Variants in FNTB observed in about 807,000 individuals in gnomAD.
FNTB encodes protein farnesyltransferase subunit beta.
Under a neutral mutation model 59.4 loss-of-function variants are expected in FNTB, and 27 were observed. The observed-to-expected ratio is 0.45, with a 90% CI of 0.34 to 0.63. FNTB has a LOEUF of 0.63. Among genes scored for constraint, FNTB ranks in the 20% least tolerant of loss-of-function variants. The pLI is 0.02. For synonymous variants in FNTB, 230 were observed against 220.7 expected (o/e 1.04, Z -0.37); for missense variants, 449 against 559.6 (o/e 0.80, Z 1.99).
rs958029776 is a variant in FNTB, at chr14:65,007,201, T to G, written c.209+2888T>G. Among the ~76,000 whole-genome samples, 1 of 152,196 alleles carries G rather than the reference T, an allele frequency of 6.6e-6. No homozygotes were observed. The highest frequency in any genetic ancestry group is 2.4e-5 in the African/African-American group (1 of 41,444). ...AATAAGCGAGGATATAAGAATAAAT[T>G]AGAAAATTTATCAGAATTTTAAATC... On this transcript the variant is annotated intron_variant, in intron 2 of 11. Transcript: ENST00000246166. The surrounding 1 kb of genome is among the most constrained non-coding windows in gnomAD (Gnocchi z 4.9).
intron 1 of FNTB, 168 bp downstream of exon 1, chr14:64,987,265 G>A (rs1887984819): frequency 2.6e-6 from 2 of 774,052 alleles, no homozygotes; most frequent in Non-Finnish European, 4.1e-6. Flanking sequence ...GGGCTTCGTC[G>A]TGGAGCGTTT....
At position 65,028,529 on chromosome 14, in the gene FNTB, G is replaced by T. The variant is rs2062024028; in HGVS notation, c.605+748G>T. Among the ~76,000 whole-genome samples, 1 of 152,184 alleles carries T rather than the reference G, an allele frequency of 6.6e-6. No homozygotes were observed. The highest frequency in any genetic ancestry group is 1.9e-4 in the East Asian group (1 of 5,202). On this transcript the variant is annotated intron_variant, in intron 6 of 11. Coordinates refer to ENST00000246166, the MANE Select transcript of FNTB (RefSeq NM_002028.4). This position sits in a 1 kb window ranked among gnomAD's most constrained non-coding sequence, Gnocchi z 4.4. ...TTACTGCCTATGTGTAAATGGGTTT[G>T]CTTCTACACAAGTTGATTAATAGTC...
In FNTB at chr14:65,053,322, C is replaced by T. The variant is rs374785351; in HGVS notation, c.1040C>T (p.Ala347Val). ...EYILMCCQCPAGGLLDKPGKS... is the reference protein window; with the variant it reads ...EYILMCCQCPVGGLLDKPGKS... The stretch of plus-strand genomic sequence containing the variant: ...ATCCTGATGTGCTGCCAGTGCCCTG[C>T]GGGGGGGCTTCTGGATAAACCTGGC... Residue 347 changes from alanine to valine, a missense_variant, in exon 10 of 12, where the codon GCG becomes GTG. Physicochemically the swap from Ala to Val is moderately conservative, Grantham distance 64. Transcript: ENST00000246166. The T allele has an allele frequency of 5.6e-5, 81 of 1,437,222 alleles. No homozygotes were observed. Among genetic ancestry groups the T allele is most frequent in the Non-Finnish European group, 6.9e-5 (75 of 1,088,288 alleles). The allele number at this position is 1,437,222 out of a possible 1,614,324, so 89.0% of individuals were successfully genotyped here. A position where few individuals can be genotyped will look rare whatever the true frequency, so the allele number is the denominator to read the frequency against.
chr14:65,005,240 G>A (rs909563815), intron 2 of FNTB, among the ~76,000 whole-genome samples: 1 of 152,186 alleles, frequency 6.6e-6, no homozygotes, highest in African/African-American at 2.4e-5. Context: ...TATTTAATTT[G>A]AACCTTTATT....
chr14:65,033,245 C>G (rs2062120763), intron 7 of FNTB, among the ~76,000 whole-genome samples: 2 of 151,942 alleles, frequency 1.3e-5, no homozygotes, highest in African/African-American at 2.4e-5. Flanking sequence ...GAAAAAAATA[C>G]AAAAAAACCA....
At position 65,061,472 on chromosome 14, in the gene FNTB, GT is replaced by G; in HGVS notation, c.*163del. ...TGTCAAACAAAACCAATGGCTCTGG[GT>G]TTGGAGAACACAGTGGCTGGTTTTA... On this transcript the variant is annotated 3_prime_UTR_variant, in exon 12 of 12. Transcript: ENST00000246166. 7.8e-7 allele frequency: 1 copy of G among 1,280,502 alleles called. No individual in the cohort carries two copies. The highest frequency in any genetic ancestry group is 1.0e-6 in the Non-Finnish European group (1 of 963,138). The allele number at this position is 1,280,502 out of a possible 1,614,324, so 79.3% of individuals were successfully genotyped here.
chr14:64,999,163 C>G (rs1170573487), intron 1 of FNTB, among the ~76,000 whole-genome samples: 3 of 152,184 alleles, frequency 2.0e-5, no homozygotes, highest in Non-Finnish European at 4.4e-5. Flanking sequence ...GTGGACCAGG[C>G]ATGGTGGCTC....
chr14:65,027,529 G>A lies in FNTB; in HGVS notation c.451G>A (p.Ala151Thr). 1 of 1,614,208 alleles carries A rather than the reference G, an allele frequency of 6.2e-7. No homozygotes were observed. Among genetic ancestry groups the A allele is most frequent in the Non-Finnish European group, 8.5e-7 (1 of 1,180,052 alleles). Residue 151 changes from alanine (A) to threonine (T), a missense_variant, in exon 5 of 12, where the codon GCA becomes ACA. Coordinates refer to ENST00000246166, the MANE Select transcript of FNTB (RefSeq NM_002028.4). The surrounding 1 kb of genome is among the most constrained non-coding windows in gnomAD (Gnocchi z 5.7). ...AGGACCCGGTCAGTATCCACACCTT[G>A]CACCCACATATGCAGCAGTCAATGC... is the stretch of plus-strand genomic sequence containing the variant. ...GGGPGQYPHL[A>T]PTYAAVNALC...
At position 65,007,311 on chromosome 14, in the gene FNTB, A is replaced by G. The variant is rs2061610295; in HGVS notation, c.209+2998A>G. ...AATACAGGAAGTAACCTTCACTGTTAGCTGAAGTGCATGGTTAGCTGTTAG... is the reference window on the plus strand; with the variant it reads ...AATACAGGAAGTAACCTTCACTGTTGGCTGAAGTGCATGGTTAGCTGTTAG... On this transcript the variant is annotated intron_variant, in intron 2 of 11. Coordinates refer to ENST00000246166, the MANE Select transcript of FNTB (RefSeq NM_002028.4). The surrounding 1 kb of genome is among the most constrained non-coding windows in gnomAD (Gnocchi z 4.9). 6.6e-6 allele frequency among the ~76,000 whole-genome samples: 1 copy of G among 152,248 alleles called. No homozygotes were observed. The highest frequency in any genetic ancestry group is 1.5e-5 in the Non-Finnish European group (1 of 68,046).
rs1455112031 is a variant in FNTB, at chr14:64,997,675, GA to G, written c.145-6572del. On this transcript the variant is annotated intron_variant, in intron 1 of 11. Transcript: ENST00000246166. This position sits in a 1 kb window ranked among gnomAD's most constrained non-coding sequence, Gnocchi z 4.5. ...AACTACAGTGTTCAACTGAAACAAA[GA>G]AGGATGTTGGGGAGGCCCGGAATGG... Among the ~76,000 whole-genome samples the G allele has an allele frequency of 6.6e-5, 10 of 152,220 alleles. No homozygotes were observed. Among genetic ancestry groups the G allele is most frequent in the Admixed American group, 5.9e-4 (9 of 15,272 alleles).
Position 64,990,627 on chromosome 14 carries a change from C to T in FNTB, c.144+3530C>T, listed in dbSNP as rs1349726444. 6.6e-6 allele frequency among the ~76,000 whole-genome samples: 1 copy of T among 152,192 alleles called. No individual in the cohort carries two copies. The highest frequency in any genetic ancestry group is 1.5e-5 in the Non-Finnish European group (1 of 68,040). On this transcript the variant is annotated intron_variant, in intron 1 of 11. Transcript: ENST00000246166. The surrounding 1 kb of genome is among the most constrained non-coding windows in gnomAD (Gnocchi z 5.2). ...TGTAAATAGTTCCTTTATAAACTCT[C>T]CTCAAATCACCCACTTTGTGCCATC...
At position 65,042,193 on chromosome 14, in the gene FNTB, G is replaced by A. The variant is rs541433109; in HGVS notation, c.822+1274G>A. ...TTTTTCCGTGGACCTGGGGTTGGGG[G>A]TGGGACGGGGGGTGATGGCTTCAGG... is the stretch of plus-strand genomic sequence containing the variant. On this transcript the variant is annotated intron_variant, in intron 8 of 11. Coordinates refer to ENST00000246166, the MANE Select transcript of FNTB (RefSeq NM_002028.4). Among the ~76,000 whole-genome samples, 3 of 152,116 alleles carry A rather than the reference G, an allele frequency of 2.0e-5. No homozygotes were observed. In the South Asian group the frequency reaches 6.2e-4, roughly 32 times the overall value.
intron 7 of FNTB, among the ~76,000 whole-genome samples, chr14:65,037,685 C>G (rs2062234217): frequency 6.7e-6 from 1 of 148,946 alleles, no homozygotes; most frequent in Non-Finnish European, 1.5e-5. Flanking sequence ...GCGGCTTCCC[C>G]AAGTGCTGGG....
rs571752559 is a variant in FNTB at position 65,028,875 on chromosome 14, GCA to G, written c.605+1097_605+1098del. 1.2e-4 allele frequency among the ~76,000 whole-genome samples: 19 copies of G among 152,196 alleles called. No homozygotes were observed. The East Asian group carries it at 3.5e-3, about 28-fold the overall frequency. On this transcript the variant is annotated intron_variant, in intron 6 of 11. Coordinates refer to ENST00000246166, the MANE Select transcript of FNTB (RefSeq NM_002028.4). The surrounding 1 kb of genome is among the most constrained non-coding windows in gnomAD (Gnocchi z 4.4). ...TTCTGTTGCTATTCCCCCAAAATAT[GCA>G]CAGTCTTGAAACGCAGCTTTTAAAA...
chr14:65,022,349 G>C (rs575840630), intron 4 of FNTB, among the ~76,000 whole-genome samples: 26 of 150,758 alleles, frequency 1.7e-4, no homozygotes, highest in African/African-American at 5.4e-4. Flanking sequence ...ACTTATCCTA[G>C]GCCTTAAGTC....
At chr14:64,995,286 A>G (rs1036159246) in intron 1 of FNTB, among the ~76,000 whole-genome samples, 4 of 152,172 alleles carry the variant, frequency 2.6e-5, no homozygotes, top group African/African-American at 9.7e-5. Flanking sequence ...AAGCTGTTTT[A>G]TAGTTAATTT....
rs1032626356 is a variant in FNTB, at chr14:65,012,962, A to G, written c.282+573A>G. On this transcript the variant is annotated intron_variant, in intron 3 of 11. Coordinates refer to ENST00000246166, the MANE Select transcript of FNTB (RefSeq NM_002028.4). The surrounding 1 kb of genome is among the most constrained non-coding windows in gnomAD (Gnocchi z 5.0). ...ATTTAACATTACTGTTTAAGAGTAGATCTTTAATATTTCCCAGAGCAACGT... is the reference window on the plus strand; with the variant it reads ...ATTTAACATTACTGTTTAAGAGTAGGTCTTTAATATTTCCCAGAGCAACGT... 7.9e-5 allele frequency among the ~76,000 whole-genome samples: 12 copies of G among 152,170 alleles called. 1 individual carries two copies. The highest frequency in any genetic ancestry group is 2.9e-4 in the African/African-American group (12 of 41,426).
intron 1 of FNTB, chr14:64,987,439 G>C (rs1453051758): frequency 5.6e-6 from 2 of 360,080 alleles, no homozygotes; most frequent in Non-Finnish European, 1.1e-5. Flanking sequence ...CCAGTACTTC[G>C]GGAGGTTCTG....
At position 65,030,632 on chromosome 14, in the gene FNTB, C is replaced by G. The variant is rs1271368305; in HGVS notation, c.606-1978C>G. Among the ~76,000 whole-genome samples, 2 of 151,852 alleles carry G rather than the reference C, an allele frequency of 1.3e-5. No homozygotes were observed. The highest frequency in any genetic ancestry group is 4.8e-5 in the African/African-American group (2 of 41,342). Reference sequence around the variant, plus strand: ...TGGCATGCATCTGTAGCCTCAGCTGCTTAGGAGGCTGAGGCAAGATCAGTT... The same window carrying G: ...TGGCATGCATCTGTAGCCTCAGCTGGTTAGGAGGCTGAGGCAAGATCAGTT... On this transcript the variant is annotated intron_variant, in intron 6 of 11. Coordinates refer to ENST00000246166, the MANE Select transcript of FNTB (RefSeq NM_002028.4). This position sits in a 1 kb window ranked among gnomAD's most constrained non-coding sequence, Gnocchi z 4.5.
Sources: allele counts gnomAD v4.1 joint callset (sites outside exome capture counted in the v4.1 genomes callset), GRCh38; gene constraint gnomAD v4.1.1; non-coding constraint Gnocchi (gnomAD v3.1); transcripts MANE v1.5; gene names NCBI Gene and HGNC (gene_info 2026-07-23, HGNC 2026-07-21).